Variants in ZSCAN20 observed in about 807,000 individuals in gnomAD.
ZSCAN20 encodes zinc finger and SCAN domain-containing protein 20.
Under a neutral mutation model 97.1 loss-of-function variants are expected in ZSCAN20, and 39 were observed. The ratio of observed to expected loss-of-function variants is 0.40; its 90% CI spans 0.31 to 0.52. The LOEUF (loss-of-function observed/expected upper bound fraction) is 0.52, where lower values mean the gene tolerates loss of function less well. Ranked by LOEUF, ZSCAN20 falls within the 20% of genes least tolerant of loss-of-function variation. The pLI, the probability that ZSCAN20 is intolerant of heterozygous loss-of-function variation, is 0.49. For missense variants in ZSCAN20, 1,115 were observed against 1,290.4 expected (o/e 0.86, Z 2.08); for synonymous variants, 456 against 467.3 (o/e 0.98, Z 0.31).
At chr1:33,483,253 CT>C (rs750514521) in intron 2 of ZSCAN20, among the ~76,000 whole-genome samples, 53 of 58,222 alleles carry the variant, frequency 9.1e-4, no homozygotes, top group African/African-American at 1.5e-3. Context: ...AGGATAGAAG[CT>C]TTTTTTTTTT....
rs200743461 is a variant in ZSCAN20 at position 33,494,431 on chromosome 1, A to G, written c.2087A>G (p.Lys696Arg). ...QESSSEEDLE[K>R]LIDHQGLYLA... ...AGTTCTTCTGAAGAGGACTTAGAAA[A>G]ACTTATTGACCATCAAGGCCTGTAC... Residue 696 changes from lysine (K) to arginine (R), a missense_variant, in exon 8 of 8, where the codon AAA (lysine) becomes AGA (arginine). Coordinates refer to ENST00000684572, the MANE Select transcript of ZSCAN20 (RefSeq NM_001377376.1). 4,463 of 1,613,476 alleles carry G rather than the reference A, an allele frequency of 2.8e-3. 11 individuals carry two copies. Among genetic ancestry groups the G allele is most frequent in the Non-Finnish European group, 3.5e-3 (4,105 of 1,179,664 alleles).
chr1:33,479,459 C>G lies in ZSCAN20; in HGVS notation c.171C>G (p.Phe57Leu). The G allele has an allele frequency of 2.5e-6, 4 of 1,614,210 alleles. No homozygotes were observed. Among genetic ancestry groups the G allele is most frequent in the Non-Finnish European group, 2.5e-6 (3 of 1,180,006 alleles). ...PEASRQRFRQ[F>L]QYRDAAGPHE... is the part of the protein sequence containing the mutation. Reference sequence around the variant, plus strand: ...CCTCCCGCCAGCGCTTCAGGCAATTCCAATACAGGGATGCAGCTGGACCCC... The same window carrying G: ...CCTCCCGCCAGCGCTTCAGGCAATTGCAATACAGGGATGCAGCTGGACCCC... Residue 57 changes from phenylalanine (F) to leucine (L), a missense_variant, in exon 2 of 8, where the codon TTC becomes TTG. This residue lies in a region of ZSCAN20 where 508 missense variants were observed against 611.2 expected (regional missense o/e 0.83). Transcript: ENST00000684572.
chr1:33,494,471 C>A lies in ZSCAN20; in HGVS notation c.2127C>A (p.Pro709=). 1 of 1,614,136 alleles carries A rather than the reference C, an allele frequency of 6.2e-7. No individual in the cohort carries two copies. Among genetic ancestry groups the A allele is most frequent in the Non-Finnish European group, 8.5e-7 (1 of 1,179,986 alleles). ...AAGGCCTGTACCTTGCAGAGAAACC[C>A]TACAAGTGTGACACATGCATGAAGA... is the stretch of plus-strand genomic sequence containing the variant. ...DHQGLYLAEK[P]YKCDTCMKSF... is the part of the protein sequence containing the mutation. Residue 709 remains proline, a synonymous_variant, in exon 8 of 8, where the codon CCC becomes CCA. Transcript: ENST00000684572.
chr1:33,475,959 C>T (rs979864339), intron 1 of ZSCAN20, among the ~76,000 whole-genome samples: 3 of 152,080 alleles, frequency 2.0e-5, no homozygotes, highest in Non-Finnish European at 4.4e-5. Context: ...TGAGCCACCG[C>T]GCCCGGCCCT....
rs1373405230 is a variant in ZSCAN20, at chr1:33,491,885, A to C, written c.1444+183A>C. 9.4e-6 allele frequency: 5 copies of C among 530,918 alleles called. No individual in the cohort carries two copies. Among genetic ancestry groups the C allele is most frequent in the Non-Finnish European group, 1.5e-5 (5 of 325,452 alleles). 32.9% of individuals were successfully genotyped at this position (530,918 alleles called of 1,614,324 possible). A position where few individuals can be genotyped will look rare whatever the true frequency, so the allele number is the denominator to read the frequency against. ...TCCCATGACCAAGTCTCTTTGCAAA[A>C]GTCTTCTTAGTTATAGAAGCAAACA... On this transcript the variant is annotated intron_variant, in intron 6 of 7. Coordinates refer to ENST00000684572, the MANE Select transcript of ZSCAN20 (RefSeq NM_001377376.1). The surrounding 1 kb of genome is among the most constrained non-coding windows in gnomAD (Gnocchi z 4.3).
Position 33,486,820 on chromosome 1 carries a change from G to A in ZSCAN20, c.418-1645G>A, listed in dbSNP as rs74624703. On this transcript the variant is annotated intron_variant, in intron 2 of 7. Transcript: ENST00000684572. ...TAAGCAGATGCTTTCTCCCTGTGAA[G>A]TCACACAGGACACTGGTGGATCTTC... Among the ~76,000 whole-genome samples the A allele has an allele frequency of 3.4e-3, 515 of 152,192 alleles. 2 individuals are homozygous for A. The highest frequency in any genetic ancestry group is 0.012 in the African/African-American group (498 of 41,512).
intron 5 of ZSCAN20, among the ~76,000 whole-genome samples, chr1:33,490,025 T>G (rs916001043): frequency 2.0e-5 from 3 of 152,214 alleles, no homozygotes; most frequent in Non-Finnish European, 4.4e-5. Flanking sequence ...GAAGCCCATA[T>G]AAGCAGCACA....
At chr1:33,485,951 T>C (rs1652348502) in intron 2 of ZSCAN20, among the ~76,000 whole-genome samples, 1 of 152,184 alleles carries the variant, frequency 6.6e-6, no homozygotes, top group African/African-American at 2.4e-5. Flanking sequence ...GCTTCTCAAT[T>C]TTTTCCCATC....
chr1:33,484,032 TTTTGCATA>T (rs1287928119), intron 2 of ZSCAN20, among the ~76,000 whole-genome samples: 5 of 152,234 alleles, frequency 3.3e-5, no homozygotes, highest in African/African-American at 1.2e-4. Context: ...GGCGATTGAC[TTTTGCATA>T]TTTGCATATT....
rs1653058034 is a variant in ZSCAN20, at chr1:33,501,215, G to A, written c.*5739G>A. On this transcript the variant is annotated 3_prime_UTR_variant, in exon 8 of 8. Transcript: ENST00000684572. Reference sequence around the variant, plus strand: ...TCCCAGAAATAGATGGAGAGGTAAGGCCAGCTAGGCTGGAGCGCCAGCATC... The same window carrying A: ...TCCCAGAAATAGATGGAGAGGTAAGACCAGCTAGGCTGGAGCGCCAGCATC... Among the ~76,000 whole-genome samples, 1 of 152,182 alleles carries A rather than the reference G, an allele frequency of 6.6e-6. No individual in the cohort carries two copies. The highest frequency in any genetic ancestry group is 2.4e-5 in the African/African-American group (1 of 41,448).
rs1277735687 is a variant in ZSCAN20, at chr1:33,494,301, C to T, written c.1957C>T (p.Pro653Ser). 1.2e-6 allele frequency: 2 copies of T among 1,613,788 alleles called. No individual in the cohort carries two copies. The highest frequency in any genetic ancestry group is 2.2e-5 in the East Asian group (1 of 44,902). ...TTTGCCTGGAGCCTTATCAAAATGT[C>T]CTACAGAAGCTGTTTGCCAACCTCT... Reference protein sequence around the residue: ...EGLPGALSKCPTEAVCQPLDW... With the variant: ...EGLPGALSKCSTEAVCQPLDW... Residue 653 changes from proline (P) to serine (S), a missense_variant, in exon 8 of 8, where the codon CCT (proline) becomes TCT (serine). Pro to Ser is a moderately conservative substitution (Grantham distance 74, BLOSUM62 -1). Transcript: ENST00000684572.
At chr1:33,486,674 T>C (rs184535577) in intron 2 of ZSCAN20, among the ~76,000 whole-genome samples, 69 of 152,324 alleles carry the variant, frequency 4.5e-4, no homozygotes, top group African/African-American at 1.5e-3. Context: ...GGGATGGTAA[T>C]AGTTGGAGGC....
At chr1:33,484,333 G>T (rs1280171026) in intron 2 of ZSCAN20, among the ~76,000 whole-genome samples, 1 of 152,150 alleles carries the variant, frequency 6.6e-6, no homozygotes, top group Non-Finnish European at 1.5e-5. Context: ...GTTTTTTGTA[G>T]ATGTCCTTTA....
chr1:33,475,671 T>C (rs1473911533), intron 1 of ZSCAN20, among the ~76,000 whole-genome samples: 1 of 152,044 alleles, frequency 6.6e-6, no homozygotes, highest in Admixed American at 6.5e-5. Flanking sequence ...TTTTTTCTTC[T>C]TTTTCTGAGA....
chr1:33,476,894 G>A (rs1045350889), intron 1 of ZSCAN20, among the ~76,000 whole-genome samples: 2 of 152,062 alleles, frequency 1.3e-5, no homozygotes, highest in East Asian at 1.9e-4. Flanking sequence ...CTTTTGATAC[G>A]CCAGGTTTAT....
Position 33,497,888 on chromosome 1 carries a change from T to C in ZSCAN20, c.*2412T>C, listed in dbSNP as rs140915725. 5.3e-5 allele frequency among the ~76,000 whole-genome samples: 8 copies of C among 152,284 alleles called. No homozygotes were observed. The East Asian group carries it at 1.5e-3, about 29-fold the overall frequency. ...GATGAGAAGTTTAGTTTGGTATGTC[T>C]AGAACTTGAGGTGCTTAAGGGAAAT... On this transcript the variant is annotated 3_prime_UTR_variant, in exon 8 of 8. Coordinates refer to ENST00000684572, the MANE Select transcript of ZSCAN20 (RefSeq NM_001377376.1).
At chr1:33,485,109 A>G (rs913669936) in intron 2 of ZSCAN20, among the ~76,000 whole-genome samples, 1 of 152,204 alleles carries the variant, frequency 6.6e-6, no homozygotes, top group East Asian at 1.9e-4. Context: ...GTTTGGTAGA[A>G]TTCACCAGTG....
chr1:33,487,092 C>T (rs889710809), intron 2 of ZSCAN20, among the ~76,000 whole-genome samples: 2 of 152,138 alleles, frequency 1.3e-5, no homozygotes, highest in African/African-American at 4.8e-5. Flanking sequence ...TACACATTTA[C>T]ATTTGCTTGT....
chr1:33,489,660 C>G, intron 5 of ZSCAN20, 58 bp downstream of exon 5: 1 of 1,523,966 alleles, frequency 6.6e-7, no homozygotes, highest in Non-Finnish European at 9.1e-7. Context: ...ACCCAGTTCC[C>G]AAAGAGGGTT....
Sources: gnomAD v4.1 joint callset for allele counts (sites outside exome capture counted in the v4.1 genomes callset) on GRCh38, gnomAD v4.1.1 for gene constraint, gnomAD v4.1.1 regional missense constraint, Gnocchi (gnomAD v3.1) non-coding constraint, MANE v1.5 for transcripts, NCBI Gene and HGNC (gene_info 2026-07-23, HGNC 2026-07-21) for gene names.